BRD10: variants seen among roughly 807,000 people sequenced by gnomAD.
BRD10 encodes the protein uncharacterized bromodomain-containing protein 10.
At chr9:5,880,535 A>G in the BRD10 span, among the ~76,000 whole-genome samples, 4 of 151,852 alleles carry the variant, frequency 2.6e-5, no homozygotes, top group East Asian at 7.8e-4. Flanking sequence ...CAAAAACAAA[A>G]AACAAACAAA....
chr9:5,902,767 A>G, the BRD10 span, among the ~76,000 whole-genome samples: 1 of 151,758 alleles, frequency 6.6e-6, no homozygotes, highest in Non-Finnish European at 1.5e-5. Flanking sequence ...TTGCCCTCCC[A>G]AAGTACTGGC....
At chr9:5,966,455 C>CTTTTTTTTTTTTTTTTTTTTTTT in the BRD10 span, among the ~76,000 whole-genome samples, 1 of 83,750 alleles carries the variant, frequency 1.2e-5, no homozygotes. Flanking sequence ...CTAACATTTC[C>CTTTTTTTTTTTTTTTTTTTTTTT]TTTTTTTTTT....
the BRD10 span, among the ~76,000 whole-genome samples, chr9:5,914,708 C>G: frequency 1.3e-5 from 2 of 152,004 alleles, no homozygotes; most frequent in Non-Finnish European, 2.9e-5. Context: ...CAGGTGTGAG[C>G]CACTGTGCCT....
the BRD10 span, among the ~76,000 whole-genome samples, chr9:5,901,169 G>T: frequency 6.6e-6 from 1 of 152,036 alleles, no homozygotes; most frequent in Non-Finnish European, 1.5e-5. Context: ...TAATTGACAA[G>T]GGCAGTTTTA....
At chr9:5,926,939 A>C in the BRD10 span, among the ~76,000 whole-genome samples, 1 of 152,144 alleles carries the variant, frequency 6.6e-6, no homozygotes, top group African/African-American at 2.4e-5. Context: ...AATATTCAAC[A>C]AATGTTAGTT....
At chr9:5,979,385 T>C in the BRD10 span, among the ~76,000 whole-genome samples, 48 of 152,070 alleles carry the variant, frequency 3.2e-4, 1 homozygote, top group African/African-American at 1.1e-3. Context: ...GTGGTGGTCA[T>C]GCCTGTAATC....
chr9:5,979,818 C>A, the BRD10 span, among the ~76,000 whole-genome samples: 2 of 151,882 alleles, frequency 1.3e-5, no homozygotes, highest in Admixed American at 1.3e-4. Context: ...GAGTTCCACA[C>A]CAGCCTGGGC....
At chr9:5,896,702 C>G in the BRD10 span, among the ~76,000 whole-genome samples, 1 of 152,156 alleles carries the variant, frequency 6.6e-6, no homozygotes, top group Non-Finnish European at 1.5e-5. Context: ...GATGCTTGCC[C>G]GGAGTGAACA....
chr9:5,924,046 A>G, the BRD10 span, among the ~76,000 whole-genome samples: 4 of 152,212 alleles, frequency 2.6e-5, no homozygotes, highest in Admixed American at 2.6e-4. Flanking sequence ...TAGGCCATCA[A>G]CCATGGTAAT....
chr9:5,914,845 C>A, the BRD10 span, among the ~76,000 whole-genome samples: 1,123 of 151,958 alleles, frequency 7.4e-3, 13 homozygotes, highest in African/African-American at 0.026. Flanking sequence ...TTATGTAAAC[C>A]ATAATTGAAT....
chr9:5,941,938 T>A, the BRD10 span, among the ~76,000 whole-genome samples: 2 of 152,086 alleles, frequency 1.3e-5, no homozygotes, highest in African/African-American at 2.4e-5. Context: ...ATTATATGAA[T>A]CCATGTTAAA....
the BRD10 span, chr9:5,909,514 T>G: frequency 6.6e-6 from 1 of 152,312 alleles, no homozygotes; most frequent in Non-Finnish European, 1.5e-5. Context: ...CGCCTCAGCC[T>G]CCCAAAGTGC....
the BRD10 span, among the ~76,000 whole-genome samples, chr9:5,889,740 C>T: frequency 7.9e-5 from 12 of 152,078 alleles, no homozygotes; most frequent in South Asian, 1.9e-3. Context: ...AGCTGAGATC[C>T]TGCCACTGCA....
chr9:5,957,611 T>C, the BRD10 span, among the ~76,000 whole-genome samples: 1 of 152,172 alleles, frequency 6.6e-6, no homozygotes. Context: ...AAATACTGCA[T>C]TCTTTCAAAT....
chr9:5,904,495 A>C, the BRD10 span, among the ~76,000 whole-genome samples: 1 of 151,760 alleles, frequency 6.6e-6, no homozygotes. Context: ...TTGAGACAGA[A>C]TCTCACTCAC....
chr9:5,920,317 G>A, the BRD10 span: 28 of 1,613,842 alleles, frequency 1.7e-5, no homozygotes, highest in Admixed American at 1.3e-4. Context: ...ACCGGGTTCC[G>A]TTAATCATAA....
At chr9:5,940,297 A>G in the BRD10 span, among the ~76,000 whole-genome samples, 3 of 152,138 alleles carry the variant, frequency 2.0e-5, no homozygotes, top group East Asian at 3.9e-4. Flanking sequence ...TAGTTCAAGC[A>G]ATTCTCCTGC....
At chr9:5,927,859 T>C in the BRD10 span, among the ~76,000 whole-genome samples, 1 of 151,898 alleles carries the variant, frequency 6.6e-6, no homozygotes, top group African/African-American at 2.4e-5. Context: ...TATGCTCATA[T>C]ACTAAGTGAT....
the BRD10 span, among the ~76,000 whole-genome samples, chr9:5,993,919 A>T: frequency 6.6e-6 from 1 of 152,198 alleles, no homozygotes; most frequent in South Asian, 2.1e-4. Flanking sequence ...TAGGAAAGAC[A>T]GAAAATTTTA....
Sources: gnomAD v4.1 joint callset for allele counts (sites outside exome capture counted in the v4.1 genomes callset) on GRCh38, gnomAD v4.1.1 for gene constraint, MANE v1.5 for transcripts, NCBI Gene and HGNC (gene_info 2026-07-23, HGNC 2026-07-21) for gene names.